Variants in CTNND2 observed in about 807,000 individuals in gnomAD.
The protein encoded by CTNND2 is catenin delta 2.
In CTNND2, 22 loss-of-function variants were observed where a neutral mutation model predicts 144.4. The ratio of observed to expected loss-of-function variants is 0.15; its 90% confidence interval spans 0.11 to 0.22. CTNND2 has a LOEUF of 0.22. CTNND2 is among the 10% of genes least tolerant of loss of function. The probability of loss-of-function intolerance (pLI) is 1.00; values close to 1 mark genes in which losing one functional copy is unlikely to be tolerated. For synonymous variants in CTNND2, 751 were observed against 695.6 expected, an observed-to-expected ratio of 1.08 and a Z score of -1.25; for missense variants, 1,353 against 1,618.8, an observed-to-expected ratio of 0.84 and a Z score of 2.82.
chr5:11,000,077 A>G (rs1359217457), intron 18 of CTNND2, among the ~76,000 whole-genome samples: 2 of 152,152 alleles, frequency 1.3e-5, no homozygotes, highest in Non-Finnish European at 2.9e-5. Flanking sequence ...TCTCCATTTT[A>G]TATTTCTGAA....
intron 8 of CTNND2, among the ~76,000 whole-genome samples, chr5:11,360,933 T>C (rs77518383): frequency 0.028 from 4,272 of 152,288 alleles, 257 homozygotes; most frequent in East Asian, 0.15. Flanking sequence ...TAAATGTCTA[T>C]CTATTTTGTT....
At position 11,324,843 on chromosome 5, in the gene CTNND2, T is replaced by C. The variant is rs190652513; in HGVS notation, c.1628+21529A>G. ...TGTATTAATTGAAAGAAACCATTTGTTTGGTGGCTAAGTTTGCTTCTGAAA... is the reference window on the plus strand; with the variant it reads ...TGTATTAATTGAAAGAAACCATTTGCTTGGTGGCTAAGTTTGCTTCTGAAA... On this transcript the variant is annotated intron_variant, in intron 9 of 21. Transcript: ENST00000304623. 3.5e-4 allele frequency among the ~76,000 whole-genome samples: 54 copies of C among 152,310 alleles called. No individual in the cohort carries two copies. The East Asian group carries it at 0.01, about 29-fold the overall frequency.
chr5:11,328,221 T>G (rs1436414577), intron 9 of CTNND2, among the ~76,000 whole-genome samples: 1 of 152,158 alleles, frequency 6.6e-6, no homozygotes, highest in African/African-American at 2.4e-5. Context: ...CACAAACCTT[T>G]CAAATTTAGA....
intron 2 of CTNND2, among the ~76,000 whole-genome samples, chr5:11,681,816 T>A (rs2126629291): frequency 6.6e-6 from 1 of 152,334 alleles, no homozygotes; most frequent in African/African-American, 2.4e-5. Context: ...GTTTACTAAT[T>A]ACCTGCTTTG....
intron 3 of CTNND2, among the ~76,000 whole-genome samples, chr5:11,432,524 G>A (rs1763393919): frequency 1.3e-5 from 2 of 152,124 alleles, no homozygotes; most frequent in African/African-American, 4.8e-5. Context: ...AGCTAGGTGT[G>A]CATGACTCTG....
intron 7 of CTNND2, among the ~76,000 whole-genome samples, chr5:11,380,959 A>G (rs1482469006): frequency 1.3e-5 from 2 of 152,254 alleles, no homozygotes; most frequent in South Asian, 2.1e-4. Context: ...AGATCTTAGC[A>G]TTTACCAGAA....
At chr5:11,723,605 A>C (rs929011290) in intron 2 of CTNND2, among the ~76,000 whole-genome samples, 1 of 152,198 alleles carries the variant, frequency 6.6e-6, no homozygotes, top group South Asian at 2.1e-4. Context: ...AAAATGGAAA[A>C]AGACAGTAAG....
At chr5:11,684,301 A>T (rs551552695) in intron 2 of CTNND2, among the ~76,000 whole-genome samples, 137 of 152,002 alleles carry the variant, frequency 9.0e-4, no homozygotes, top group African/African-American at 3.2e-3. Context: ...ACGGGGTTTC[A>T]CCATGTTAGC....
chr5:11,018,816 T>C (rs1741909808), intron 17 of CTNND2, among the ~76,000 whole-genome samples: 1 of 151,580 alleles, frequency 6.6e-6, no homozygotes, highest in Non-Finnish European at 1.5e-5. Flanking sequence ...GTTCAAGCGA[T>C]TCTCCTTCCT....
intron 1 of CTNND2, among the ~76,000 whole-genome samples, chr5:11,856,266 G>C (rs951503153): frequency 2.6e-5 from 4 of 152,184 alleles, no homozygotes; most frequent in African/African-American, 9.7e-5. Context: ...CTGGAATATT[G>C]ACTACACAAG....
At chr5:11,565,928 C>T (rs537740912) in intron 2 of CTNND2, among the ~76,000 whole-genome samples, 1 of 152,142 alleles carries the variant, frequency 6.6e-6, no homozygotes, top group Non-Finnish European at 1.5e-5. Flanking sequence ...CATTTAATAC[C>T]TTTTAAAAAT....
chr5:11,538,867 T>G (rs932831107), intron 3 of CTNND2, among the ~76,000 whole-genome samples: 16 of 152,200 alleles, frequency 1.1e-4, no homozygotes, highest in Admixed American at 9.2e-4. Flanking sequence ...CTCAATAGTT[T>G]TCCAGAACAC....
At chr5:10,980,170 A>T (rs1345355633) in intron 21 of CTNND2, among the ~76,000 whole-genome samples, 2 of 152,300 alleles carry the variant, frequency 1.3e-5, no homozygotes, top group Non-Finnish European at 1.5e-5. Context: ...AAGGGCTAAT[A>T]TCCAGAATCT....
chr5:11,870,552 C>G (rs1184322781), intron 1 of CTNND2, among the ~76,000 whole-genome samples: 1 of 152,230 alleles, frequency 6.6e-6, no homozygotes, highest in African/African-American at 2.4e-5. Context: ...TAAACAGACT[C>G]TCCCTTGGCT....
intron 2 of CTNND2, among the ~76,000 whole-genome samples, chr5:11,666,004 C>T (rs1783550235): frequency 6.6e-6 from 1 of 152,134 alleles, no homozygotes; most frequent in South Asian, 2.1e-4. Context: ...TAAGCATGTA[C>T]TAGATTTGCA....
intron 3 of CTNND2, among the ~76,000 whole-genome samples, chr5:11,427,184 C>T (rs1179793301): frequency 6.6e-6 from 1 of 151,012 alleles, no homozygotes; most frequent in East Asian, 2.0e-4. Context: ...ATGTAAAAAA[C>T]AACACTATGA....
chr5:11,812,963 C>A (rs1792419646), intron 1 of CTNND2, among the ~76,000 whole-genome samples: 2 of 152,160 alleles, frequency 1.3e-5, no homozygotes, highest in South Asian at 2.1e-4. Context: ...CTATCACCCC[C>A]CACACACATA....
At chr5:11,358,883 T>G (rs1756169152) in intron 8 of CTNND2, among the ~76,000 whole-genome samples, 1 of 152,244 alleles carries the variant, frequency 6.6e-6, no homozygotes, top group Non-Finnish European at 1.5e-5. Flanking sequence ...CTTTCTTTAT[T>G]ACAAGCTGAC....
intron 16 of CTNND2, among the ~76,000 whole-genome samples, chr5:11,024,643 T>C (rs892455817): frequency 3.9e-5 from 6 of 152,244 alleles, no homozygotes; most frequent in African/African-American, 1.4e-4. Context: ...CGGGGACATT[T>C]ACACCCTTGA....
Sources: allele counts gnomAD v4.1 joint callset (sites outside exome capture counted in the v4.1 genomes callset), GRCh38; gene constraint gnomAD v4.1.1; transcripts MANE v1.5; gene names NCBI Gene and HGNC (gene_info 2026-07-23, HGNC 2026-07-21).